Variants in FRMPD4 observed in about 807,000 individuals in gnomAD.
FRMPD4 encodes FERM and PDZ domain containing 4.
Under a neutral mutation model 94.1 loss-of-function variants are expected in FRMPD4, and 22 were observed. The ratio of observed to expected loss-of-function variants is 0.23; its 90% confidence interval spans 0.17 to 0.33. The LOEUF is 0.33. FRMPD4 is among the 10% of genes least tolerant of loss of function. The probability of loss-of-function intolerance (pLI) is 1.00; values close to 1 mark genes in which losing one functional copy is unlikely to be tolerated. For missense variants in FRMPD4, 1,111 were observed against 1,339.9 expected (o/e 0.83, Z 2.67); for synonymous variants, 631 against 548.6 (o/e 1.15, Z -2.10).
At chrX:12,078,578 G>C (rs2055038602) in intron 3 of FRMPD4, among the ~76,000 whole-genome samples, 1 of 112,122 alleles carries the variant, frequency 8.9e-6, no homozygotes, top group Non-Finnish European at 1.9e-5. Context: ...AAAGGTATCT[G>C]ATTTTACAGT....
chrX:12,249,157 T>G lies in FRMPD4; in HGVS notation c.41+110145T>G, dbSNP rs1478987566. On this transcript the variant is annotated intron_variant, in intron 1 of 16. Transcript: ENST00000675598. ...ATTTGATTTTGATGACTGCATATGCTCTGTTTTATGTTGTATCATATGCTG... is the reference window on the plus strand; with the variant it reads ...ATTTGATTTTGATGACTGCATATGCGCTGTTTTATGTTGTATCATATGCTG... Among the ~76,000 whole-genome samples the G allele has an allele frequency of 2.7e-5, 3 of 112,958 alleles. No individual in the cohort carries two copies. The Admixed American group carries it at 2.8e-4, about 11-fold the overall frequency.
At chrX:12,474,428 A>G (rs991513595) in intron 1 of FRMPD4, among the ~76,000 whole-genome samples, 1 of 111,546 alleles carries the variant, frequency 9.0e-6, no homozygotes, top group African/African-American at 3.3e-5. Flanking sequence ...AACACATTCA[A>G]AAGCTAGCAG....
At chrX:11,923,117 A>G (rs371575083) in intron 3 of FRMPD4, among the ~76,000 whole-genome samples, 115 of 111,695 alleles carry the variant, frequency 1.0e-3, no homozygotes, top group African/African-American at 3.5e-3. Context: ...CCCCACAGCA[A>G]CTCCCTGCAT....
chrX:12,192,020 G>A (rs1742692557), intron 1 of FRMPD4, among the ~76,000 whole-genome samples: 1 of 111,586 alleles, frequency 9.0e-6, no homozygotes, highest in African/African-American at 3.3e-5. Context: ...TAATTTTGCT[G>A]TGAAGCTAAC....
At chrX:12,504,152 G>A (rs2057954084) in intron 2 of FRMPD4, among the ~76,000 whole-genome samples, 2 of 112,473 alleles carry the variant, frequency 1.8e-5, no homozygotes, top group African/African-American at 6.5e-5. Context: ...AATGCTGCAG[G>A]TCTTTGTGGA....
chrX:12,139,032 C>T lies in FRMPD4; in HGVS notation c.41+20C>T. 1.8e-6 allele frequency: 2 copies of T among 1,119,487 alleles called. No individual in the cohort carries two copies. The allele number at this position is 1,119,487 out of a possible 1,213,427, so 92.3% of individuals were successfully genotyped here. A position where few individuals can be genotyped will look rare whatever the true frequency, so the allele number is the denominator to read the frequency against. On this transcript the variant is annotated intron_variant, in intron 1 of 16. Transcript: ENST00000675598. ...TTCGAGGTAGGGGCTGCGCGGGTTC[C>T]GTTTGCACCCAGGGCCGCTGCCGCG...
chrX:12,498,518 A>C, intron 1 of FRMPD4, 162 bp from the exon 2 acceptor site: 1 of 514,908 alleles, frequency 1.9e-6, no homozygotes, highest in East Asian at 3.5e-5. Flanking sequence ...TTGAAGTTGT[A>C]AACTAGAAAT....
Position 12,207,203 on chromosome X carries a change from T to C in FRMPD4, c.41+68191T>C, listed in dbSNP as rs763476680. Among the ~76,000 whole-genome samples, 7 of 112,105 alleles carry C rather than the reference T, an allele frequency of 6.2e-5. No homozygotes were observed. The East Asian group carries it at 2.0e-3, about 31-fold the overall frequency. On this transcript the variant is annotated intron_variant, in intron 1 of 16. Transcript: ENST00000675598. ...AAACCTATAATGCCATATGCAGAGATAAAACAATTCAGACTTTTTGTTTTT... is the reference window on the plus strand; with the variant it reads ...AAACCTATAATGCCATATGCAGAGACAAAACAATTCAGACTTTTTGTTTTT...
intron 1 of FRMPD4, among the ~76,000 whole-genome samples, chrX:12,290,459 A>G (rs1453929197): frequency 8.9e-6 from 1 of 112,292 alleles, no homozygotes; most frequent in African/African-American, 3.2e-5. Context: ...CTGTTTTAAA[A>G]ATGGCTAACT....
chrX:12,492,891 A>G (rs1339471084), intron 1 of FRMPD4, among the ~76,000 whole-genome samples: 1 of 111,783 alleles, frequency 8.9e-6, no homozygotes. Flanking sequence ...GAGGGAAAAG[A>G]GAAAGCAGCC....
chrX:12,260,724 TGCCTCTTCTTCA>T (rs56892195), intron 1 of FRMPD4, among the ~76,000 whole-genome samples: 1,142 of 112,294 alleles, frequency 0.01, 10 homozygotes, highest in African/African-American at 0.034. Flanking sequence ...TTTCTCTTCA[TGCCTCTTCTTCA>T]GCCTCATCTT....
At chrX:12,591,161 C>A (rs2058979055) in intron 2 of FRMPD4, among the ~76,000 whole-genome samples, 1 of 112,030 alleles carries the variant, frequency 8.9e-6, no homozygotes, top group Admixed American at 9.5e-5. Flanking sequence ...TCATCAATAA[C>A]AGCAACAGTT....
intron 3 of FRMPD4, among the ~76,000 whole-genome samples, chrX:12,105,266 A>G (rs1184153510): frequency 8.9e-6 from 1 of 112,104 alleles, no homozygotes; most frequent in African/African-American, 3.2e-5. Context: ...GGCACAAACC[A>G]TACCTGCAGC....
chrX:12,101,660 C>T (rs781514919), intron 3 of FRMPD4, among the ~76,000 whole-genome samples: 1 of 110,811 alleles, frequency 9.0e-6, no homozygotes, highest in East Asian at 2.8e-4. Flanking sequence ...TTTCTGATTC[C>T]AGAAGTAATG....
intron 4 of FRMPD4, among the ~76,000 whole-genome samples, chrX:12,648,688 C>T (rs1176455761): frequency 8.9e-6 from 1 of 112,105 alleles, no homozygotes; most frequent in Non-Finnish European, 1.9e-5. Flanking sequence ...CAAAGATGAA[C>T]ACAACATGTA....
intron 3 of FRMPD4, among the ~76,000 whole-genome samples, chrX:12,105,637 C>A (rs2055290908): frequency 8.9e-6 from 1 of 112,175 alleles, no homozygotes; most frequent in African/African-American, 3.2e-5. Context: ...AATACAGGCT[C>A]AAATGAAAAA....
At chrX:12,433,375 T>A (rs1432404668) in intron 1 of FRMPD4, among the ~76,000 whole-genome samples, 2 of 112,383 alleles carry the variant, frequency 1.8e-5, no homozygotes, top group Non-Finnish European at 3.8e-5. Flanking sequence ...AATTGGCCTC[T>A]TGCTGGTAAG....
chrX:12,605,949 T>A (rs892245100), intron 2 of FRMPD4, among the ~76,000 whole-genome samples: 25 of 112,416 alleles, frequency 2.2e-4, no homozygotes, highest in Admixed American at 1.9e-4. Flanking sequence ...CTTTTTTGTC[T>A]GCTTTCTTTC....
rs754944728 is a variant in FRMPD4, at chrX:12,706,920, T to TTTA, written c.1287+7_1287+8insATT. On this transcript the variant is annotated splice_donor_region_variant and intron_variant, in intron 12 of 16. Coordinates refer to ENST00000675598, the MANE Select transcript of FRMPD4 (RefSeq NM_001368397.1). The stretch of plus-strand genomic sequence containing the variant: ...GTGTTCAAGGCAACATTAGTGGTAA[T>TTTA]TTCTTTTTTTTTTTTTTTTTTGCTT... 4 of 947,846 alleles carry TTTA rather than the reference T, an allele frequency of 4.2e-6. No individual in the cohort carries two copies. The highest frequency in any genetic ancestry group is 4.4e-5 in the African/African-American group (2 of 45,917). The allele number at this position is 947,846 out of a possible 1,213,427, so 78.1% of individuals were successfully genotyped here.
Sources: gnomAD v4.1 joint callset for allele counts (sites outside exome capture counted in the v4.1 genomes callset) on GRCh38, gnomAD v4.1.1 for gene constraint, MANE v1.5 for transcripts, NCBI Gene and HGNC (gene_info 2026-07-23, HGNC 2026-07-21) for gene names.